The following WSCD1 variants were observed in gnomAD, a reference collection of about 807,000 sequenced individuals.
WSCD1 encodes sialate:O-sulfotransferase 1.
In WSCD1, 41 loss-of-function variants were observed where a neutral mutation model predicts 60.4. That is an observed-to-expected ratio of 0.68 (90% CI 0.53 to 0.88). The LOEUF is 0.88. WSCD1 is among the 40% of genes least tolerant of loss of function. The pLI, the probability that WSCD1 is intolerant of heterozygous loss-of-function variation, is 0.00. For missense variants in WSCD1, 784 were observed against 796.2 expected (o/e 0.98, Z 0.18); for synonymous variants, 361 against 332.5 (o/e 1.09, Z -0.93).
At chr17:6,079,942 C>T (rs980927328) in intron 1 of WSCD1, among the ~76,000 whole-genome samples, 35 of 152,224 alleles carry the variant, frequency 2.3e-4, no homozygotes, top group African/African-American at 7.7e-4. Flanking sequence ...CCAGTTTCCT[C>T]ATCTGTGTAA....
At chr17:6,114,641 A>G (rs7221725) in intron 7 of WSCD1, among the ~76,000 whole-genome samples, 148,553 of 152,060 alleles carry the variant, frequency 0.98, 72,638 homozygotes, top group East Asian at 1. Context: ...CTTATCATGC[A>G]TCAGTTTAAA....
intron 8 of WSCD1, among the ~76,000 whole-genome samples, chr17:6,119,238 G>C (rs1904492621): frequency 6.6e-6 from 1 of 152,216 alleles, no homozygotes; most frequent in South Asian, 2.1e-4. Flanking sequence ...CTGATTCTGG[G>C]TCAGATTGGC....
At chr17:6,095,828 C>G (rs1294162136) in intron 5 of WSCD1, among the ~76,000 whole-genome samples, 1 of 152,160 alleles carries the variant, frequency 6.6e-6, no homozygotes, top group Non-Finnish European at 1.5e-5. Context: ...ACCCAGCAGA[C>G]TGTGTCCAAA....
rs148207824 is a variant in WSCD1 at position 6,120,593 on chromosome 17, C to T, written c.1660C>T (p.Arg554Trp). ...GAAAGACTTGATCAATGGCTACATC[C>T]GGACGGTGGACCAAGCCCTGCGTGA... ...EMKDLINGYI[R>W]TVDQALRDHN... is the part of the protein sequence containing the mutation. The change falls in exon 9 of 9, where the codon CGG becomes TGG. Residue 554 changes from arginine to tryptophan, a missense_variant. Physicochemically the swap from Arg to Trp is moderately radical, Grantham distance 101. Coordinates refer to ENST00000317744, the MANE Select transcript of WSCD1 (RefSeq NM_015253.2). The T allele has an allele frequency of 3.3e-4, 529 of 1,613,598 alleles. No individual in the cohort carries two copies. Among genetic ancestry groups the T allele is most frequent in the Non-Finnish European group, 4.3e-4 (504 of 1,179,992 alleles).
intron 8 of WSCD1, among the ~76,000 whole-genome samples, chr17:6,119,943 C>T (rs1157970662): frequency 3.3e-5 from 5 of 152,310 alleles, no homozygotes; most frequent in South Asian, 2.1e-4. Flanking sequence ...GAGGCCACCC[C>T]GTCTGTGGCT....
At position 6,092,094 on chromosome 17, in the gene WSCD1, C is replaced by T. The variant is rs146958999; in HGVS notation, c.727+1589C>T. Among the ~76,000 whole-genome samples the T allele has an allele frequency of 4.2e-3, 592 of 142,364 alleles. 2 individuals carry two copies. The highest frequency in any genetic ancestry group is 8.6e-3 in the Admixed American group (113 of 13,206). 93.4% of individuals were successfully genotyped at this position (142,364 alleles called of 152,430 possible). ...GCTTGAACCCGGGAGGCGGAGGTTG[C>T]AGTGAGCCAAAATCATGCCATTGTA... On this transcript the variant is annotated intron_variant, in intron 4 of 8. Coordinates refer to ENST00000317744, the MANE Select transcript of WSCD1 (RefSeq NM_015253.2).
At chr17:6,120,234 C>T (rs531387493) in intron 8 of WSCD1, 75 bp from the exon 9 acceptor site, 169 of 1,510,972 alleles carry the variant, frequency 1.1e-4, no homozygotes, top group Admixed American at 5.5e-4. Flanking sequence ...TTCCCTCTCC[C>T]GAGCAGCCCC....
In WSCD1 at chr17:6,118,207, G is replaced by T; in HGVS notation, c.1375+19G>T. 6.2e-7 allele frequency: 1 copy of T among 1,612,590 alleles called. No individual in the cohort carries two copies. Among genetic ancestry groups the T allele is most frequent in the Non-Finnish European group, 8.5e-7 (1 of 1,179,438 alleles). On this transcript the variant is annotated intron_variant, in intron 8 of 8. Coordinates refer to ENST00000317744, the MANE Select transcript of WSCD1 (RefSeq NM_015253.2). This position sits in a 1 kb window ranked among gnomAD's most constrained non-coding sequence, Gnocchi z 5.8. ...AGCAAAGGTAATCAAGGACCTTGCG[G>T]TGGGGGTGGGAGGCTTGTCAGTACA...
Position 6,109,636 on chromosome 17 carries a change from G to A in WSCD1, c.879G>A (p.Trp293Ter). The A allele has an allele frequency of 6.2e-7, 1 of 1,614,032 alleles. No individual in the cohort carries two copies. The highest frequency in any genetic ancestry group is 1.6e-4 in the Middle Eastern group (1 of 6,062). Residue 293 changes from tryptophan to a stop codon, truncating the protein, a stop_gained, in exon 6 of 9, where the codon TGG becomes TGA. Transcript: ENST00000317744. LOFTEE classifies it high-confidence loss of function. ...KEFPLAILRG[W>*]ECYCAYPTPR... ...TCCCCTTGGCCATTCTCAGGGGCTG[G>A]GAATGCTACTGTGCTTACCCTACCC...
chr17:6,105,034 C>T (rs952428370), intron 5 of WSCD1, among the ~76,000 whole-genome samples: 4 of 152,186 alleles, frequency 2.6e-5, no homozygotes, highest in African/African-American at 9.7e-5. Flanking sequence ...AGAGGTCCCG[C>T]CTGGAACCTT....
chr17:6,122,174 G>T lies in WSCD1; in HGVS notation c.*1513G>T, dbSNP rs889472450. 2 of 152,364 alleles carry T rather than the reference G, an allele frequency of 1.3e-5. No individual in the cohort carries two copies. The highest frequency in any genetic ancestry group is 2.9e-5 in the Non-Finnish European group (2 of 68,150). 9.4% of individuals were successfully genotyped at this position (152,364 alleles called of 1,614,324 possible). A position where few individuals can be genotyped will look rare whatever the true frequency, so the allele number is the denominator to read the frequency against. On this transcript the variant is annotated 3_prime_UTR_variant, in exon 9 of 9. Transcript: ENST00000317744. Reference sequence around the variant, plus strand: ...GGACGTTGAGATATCCTGACCCTCTGCTTCCTAGCCTGATGATGGGGAACC... The same window carrying T: ...GGACGTTGAGATATCCTGACCCTCTTCTTCCTAGCCTGATGATGGGGAACC...
chr17:6,094,309 G>A (rs965772404), intron 4 of WSCD1, among the ~76,000 whole-genome samples: 3 of 152,208 alleles, frequency 2.0e-5, no homozygotes, highest in Non-Finnish European at 4.4e-5. Flanking sequence ...CCTAGAAATT[G>A]AGTGGGAGTT....
chr17:6,093,471 A>T (rs988598488), intron 4 of WSCD1, among the ~76,000 whole-genome samples: 4 of 152,036 alleles, frequency 2.6e-5, no homozygotes, highest in Non-Finnish European at 5.9e-5. Context: ...GGCTTGCTGA[A>T]ATCTTGATCC....
chr17:6,085,504 A>G (rs1046505417), intron 2 of WSCD1, among the ~76,000 whole-genome samples: 1 of 152,154 alleles, frequency 6.6e-6, no homozygotes, highest in African/African-American at 2.4e-5. Context: ...TGAGGCTCAG[A>G]GAGAGGCAGC....
chr17:6,109,880 G>A (rs1911312222), intron 6 of WSCD1, 114 bp downstream of exon 6: 1 of 1,419,958 alleles, frequency 7.0e-7, no homozygotes, highest in Non-Finnish European at 9.6e-7. Context: ...TATGGCATGT[G>A]TCTGTGTAAA....
chr17:6,120,798 G>T lies in WSCD1; in HGVS notation c.*137G>T, dbSNP rs553037012. On this transcript the variant is annotated 3_prime_UTR_variant, in exon 9 of 9. Transcript: ENST00000317744. ...GGGGCTCACCCTGGTGCTGCCTCCC[G>T]CACAAGGAGACCTGGACACAACAGA... 5 of 862,500 alleles carry T rather than the reference G, an allele frequency of 5.8e-6. No homozygotes were observed. Among genetic ancestry groups the T allele is most frequent in the Admixed American group, 5.7e-5 (2 of 35,162 alleles). 53.4% of individuals were successfully genotyped at this position (862,500 alleles called of 1,614,324 possible).
chr17:6,072,505 A>AC (rs1268209175), intron 1 of WSCD1, among the ~76,000 whole-genome samples: 1 of 152,040 alleles, frequency 6.6e-6, no homozygotes, highest in Non-Finnish European at 1.5e-5. Context: ...TCCAGCTCAG[A>AC]CCCCCATCAG....
chr17:6,088,891 G>T (rs1024262662), intron 3 of WSCD1, among the ~76,000 whole-genome samples: 7 of 150,440 alleles, frequency 4.7e-5, no homozygotes, highest in Middle Eastern at 3.3e-3. Context: ...CACGCCATTC[G>T]CCTGCCTCAG....
intron 5 of WSCD1, among the ~76,000 whole-genome samples, chr17:6,098,149 G>A (rs1439523657): frequency 1.7e-5 from 2 of 118,930 alleles, no homozygotes. Context: ...GAGACAGGGG[G>A]GCGGGGTGGG....
Sources: allele counts gnomAD v4.1 joint callset (sites outside exome capture counted in the v4.1 genomes callset), GRCh38; gene constraint gnomAD v4.1.1; non-coding constraint Gnocchi (gnomAD v3.1); transcripts MANE v1.5; gene names NCBI Gene and HGNC (gene_info 2026-07-23, HGNC 2026-07-21).